The following PTPRD variants were observed in gnomAD, a reference collection of about 807,000 sequenced individuals.
The protein encoded by PTPRD is receptor-type tyrosine-protein phosphatase delta.
PTPRD carries 34 observed loss-of-function variants against 214.5 expected under a neutral mutation model. That is an observed-to-expected ratio of 0.16 (90% CI 0.12 to 0.21). The LOEUF (loss-of-function observed/expected upper bound fraction) is 0.21, where lower values mean the gene tolerates loss of function less well. Among genes scored for constraint, PTPRD ranks in the 10% least tolerant of loss-of-function variants. The pLI, the probability that PTPRD is intolerant of heterozygous loss-of-function variation, is 1.00. For synonymous variants in PTPRD, 1,128 were observed against 845.7 expected, an observed-to-expected ratio of 1.33 and a Z score of -5.79; for missense variants, 2,545 against 2,398.7, an observed-to-expected ratio of 1.06 and a Z score of -1.27.
At chr9:10,103,651 T>A (rs1368000513) in intron 3 of PTPRD, among the ~76,000 whole-genome samples, 1 of 151,356 alleles carries the variant, frequency 6.6e-6, no homozygotes, top group Non-Finnish European at 1.5e-5. Flanking sequence ...TCATTGTCTC[T>A]CCTTGATCCC....
At chr9:9,581,110 A>T (rs1480709447) in intron 7 of PTPRD, among the ~76,000 whole-genome samples, 2 of 152,122 alleles carry the variant, frequency 1.3e-5, no homozygotes, top group Non-Finnish European at 2.9e-5. Flanking sequence ...CTATATTCTC[A>T]GTTTTTTATA....
chr9:9,627,254 C>A (rs1481764293), intron 7 of PTPRD, among the ~76,000 whole-genome samples: 3 of 152,158 alleles, frequency 2.0e-5, no homozygotes, highest in African/African-American at 7.2e-5. Flanking sequence ...TTGCACTGAG[C>A]CGAGATTGGG....
At chr9:9,637,409 C>T (rs1426104492) in intron 7 of PTPRD, among the ~76,000 whole-genome samples, 1 of 152,202 alleles carries the variant, frequency 6.6e-6, no homozygotes, top group Non-Finnish European at 1.5e-5. Context: ...ATAGAATATA[C>T]ATTCCAATTC....
chr9:10,359,158 A>G (rs530534314), intron 2 of PTPRD, among the ~76,000 whole-genome samples: 1 of 152,128 alleles, frequency 6.6e-6, no homozygotes, highest in African/African-American at 2.4e-5. Context: ...TCTATTGTTA[A>G]CATTATAATA....
intron 3 of PTPRD, among the ~76,000 whole-genome samples, chr9:10,306,281 G>C (rs926144908): frequency 6.6e-6 from 1 of 151,690 alleles, no homozygotes; most frequent in African/African-American, 2.4e-5. Context: ...GTGGGGTGGG[G>C]GGGGCTAGGG....
chr9:9,042,733 TC>T (rs1407316985), intron 10 of PTPRD, among the ~76,000 whole-genome samples: 1 of 151,890 alleles, frequency 6.6e-6, no homozygotes, highest in Admixed American at 6.6e-5. Flanking sequence ...CTGACCATAT[TC>T]TAAAGAAGTT....
intron 5 of PTPRD, among the ~76,000 whole-genome samples, chr9:9,896,022 A>G (rs1281662702): frequency 6.6e-6 from 1 of 152,060 alleles, no homozygotes; most frequent in Admixed American, 6.6e-5. Context: ...GTCTACTGCA[A>G]ACGAGATGAC....
At chr9:8,789,122 C>A (rs922650058) in intron 11 of PTPRD, among the ~76,000 whole-genome samples, 1 of 152,102 alleles carries the variant, frequency 6.6e-6, no homozygotes, top group Non-Finnish European at 1.5e-5. Context: ...ACTCCAAAGG[C>A]ATCACCAAAG....
chr9:8,618,036 A>G (rs1396086885), intron 14 of PTPRD, among the ~76,000 whole-genome samples: 1 of 152,126 alleles, frequency 6.6e-6, no homozygotes, highest in Non-Finnish European at 1.5e-5. Flanking sequence ...TTGTCAGAGT[A>G]GTGAAGAATT....
chr9:10,559,516 T>C (rs1209712135), intron 2 of PTPRD, among the ~76,000 whole-genome samples: 1 of 152,116 alleles, frequency 6.6e-6, no homozygotes. Flanking sequence ...GCTTTCTTTC[T>C]GAATCTAAAA....
chr9:9,894,615 C>T lies in PTPRD; in HGVS notation c.-368+43892G>A, dbSNP rs2074419475. ...TTTCACTGAGTTCCTTAAATTCCCT[C>T]TGTACTCCCACATCACACTGCATGC... On this transcript the variant is annotated intron_variant, in intron 5 of 45. Transcript: ENST00000381196. Among the ~76,000 whole-genome samples the T allele has an allele frequency of 2.0e-5, 3 of 152,028 alleles. 1 individual carries two copies. Among genetic ancestry groups the T allele is most frequent in the Admixed American group, 2.0e-4 (3 of 15,230 alleles).
chr9:10,251,215 C>A (rs915558133), intron 3 of PTPRD, among the ~76,000 whole-genome samples: 9 of 152,074 alleles, frequency 5.9e-5, no homozygotes, highest in African/African-American at 2.2e-4. Context: ...ATGTGACCAG[C>A]ACTATGCTAG....
Position 10,612,741 on chromosome 9 carries a change from C to A in PTPRD, c.-761G>T. On this transcript the variant is annotated 5_prime_UTR_variant, in exon 1 of 46. Coordinates refer to ENST00000381196, the MANE Select transcript of PTPRD (RefSeq NM_002839.4). ...CGGCGCCGCGCCGGAGGGGAGGAGG[C>A]TCGGGAGGAGGAGGAGAAAGAGCAG... 6.5e-6 allele frequency: 1 copy of A among 152,840 alleles called. No individual in the cohort carries two copies. Among genetic ancestry groups the A allele is most frequent in the Non-Finnish European group, 1.5e-5 (1 of 68,544 alleles). 9.5% of individuals were successfully genotyped at this position (152,840 alleles called of 1,614,324 possible).
chr9:8,942,243 C>A (rs1221721480), intron 11 of PTPRD, among the ~76,000 whole-genome samples: 1 of 152,142 alleles, frequency 6.6e-6, no homozygotes, highest in African/African-American at 2.4e-5. Flanking sequence ...TTGTAACTAG[C>A]AAGCACTTTA....
chr9:9,361,452 G>A (rs1165444998), intron 9 of PTPRD, among the ~76,000 whole-genome samples: 1 of 150,794 alleles, frequency 6.6e-6, no homozygotes, highest in Non-Finnish European at 1.5e-5. Flanking sequence ...TTTTATACCT[G>A]ATTACCTTGT....
At chr9:8,729,603 G>A (rs1202165160) in intron 12 of PTPRD, among the ~76,000 whole-genome samples, 1 of 152,064 alleles carries the variant, frequency 6.6e-6, no homozygotes, top group Non-Finnish European at 1.5e-5. Flanking sequence ...GCAAATCCTC[G>A]CAAAACCCAG....
chr9:10,510,635 A>T (rs1165941683), intron 2 of PTPRD, among the ~76,000 whole-genome samples: 2 of 152,162 alleles, frequency 1.3e-5, no homozygotes, highest in Non-Finnish European at 2.9e-5. Context: ...TAACATGAGC[A>T]TGCAAGGTGT....
chr9:9,885,526 T>G (rs113400785), intron 5 of PTPRD, among the ~76,000 whole-genome samples: 5 of 152,124 alleles, frequency 3.3e-5, no homozygotes, highest in African/African-American at 9.6e-5. Context: ...CAAACGGACT[T>G]TGCAGATTTG....
At chr9:9,112,545 G>A (rs973618906) in intron 10 of PTPRD, among the ~76,000 whole-genome samples, 4 of 152,040 alleles carry the variant, frequency 2.6e-5, no homozygotes, top group African/African-American at 9.7e-5. Flanking sequence ...AGGAGATTAG[G>A]ACTATTTATA....
Sources: allele counts gnomAD v4.1 joint callset (sites outside exome capture counted in the v4.1 genomes callset), GRCh38; gene constraint gnomAD v4.1.1; transcripts MANE v1.5; gene names NCBI Gene and HGNC (gene_info 2026-07-23, HGNC 2026-07-21).